The following SRGAP1 variants were observed in gnomAD, a reference collection of about 807,000 sequenced individuals.
SRGAP1 encodes the protein SLIT-ROBO Rho GTPase activating protein 1, also known as SLIT-ROBO Rho GTPase-activating protein 1.
A neutral mutation model predicts 121.9 loss-of-function variants in SRGAP1; 43 were observed. The ratio of observed to expected loss-of-function variants is 0.35; its 90% CI spans 0.28 to 0.46. The LOEUF (loss-of-function observed/expected upper bound fraction) is 0.46. Ranked by LOEUF, SRGAP1 falls within the 20% of genes least tolerant of loss-of-function variation. The pLI, the probability that SRGAP1 is intolerant of heterozygous loss-of-function variation, is 1.00. For synonymous variants in SRGAP1, 447 were observed against 485.4 expected, an observed-to-expected ratio of 0.92 and a Z score of 1.04; for missense variants, 1,102 against 1,350.9, an observed-to-expected ratio of 0.82 and a Z score of 2.89.
chr12:64,108,858 A>G lies in SRGAP1; in HGVS notation c.1814-74A>G, dbSNP rs1467483718. On this transcript the variant is annotated intron_variant, in intron 15 of 21. Transcript: ENST00000355086. ...GCTTATATTCAGATGTGTACCGGTA[A>G]TACATGTACTGCAGTGTTCTGTTTT... 5.0e-6 allele frequency: 5 copies of G among 992,442 alleles called. No homozygotes were observed. The African/African-American group carries it at 6.4e-5, about 13-fold the overall frequency. The allele number at this position is 992,442 out of a possible 1,614,324, so 61.5% of individuals were successfully genotyped here. A position where few individuals can be genotyped will look rare whatever the true frequency, so the allele number is the denominator to read the frequency against.
intron 1 of SRGAP1, among the ~76,000 whole-genome samples, chr12:63,970,259 G>T (rs1026367186): frequency 6.6e-6 from 1 of 152,222 alleles, no homozygotes; most frequent in Admixed American, 6.5e-5. Context: ...GCTATCTGGT[G>T]CTGGGGATTT....
chr12:64,005,984 A>G (rs1176101796), intron 3 of SRGAP1, among the ~76,000 whole-genome samples: 1 of 152,198 alleles, frequency 6.6e-6, no homozygotes. Context: ...TGGTACCCCC[A>G]TAGGAACTTA....
chr12:63,944,447 G>A (rs1480604041), intron 1 of SRGAP1, among the ~76,000 whole-genome samples: 1 of 152,122 alleles, frequency 6.6e-6, no homozygotes, highest in Non-Finnish European at 1.5e-5. Context: ...GGGCACTAAT[G>A]CCCTCATGAC....
chr12:64,015,605 T>C (rs1319561621), intron 3 of SRGAP1, among the ~76,000 whole-genome samples: 3 of 152,204 alleles, frequency 2.0e-5, no homozygotes, highest in Non-Finnish European at 4.4e-5. Flanking sequence ...CTTCAGTCTA[T>C]CATATTTGTT....
intron 4 of SRGAP1, 71 bp downstream of exon 4, chr12:64,017,083 T>C: frequency 1.1e-6 from 1 of 892,654 alleles, no homozygotes; most frequent in South Asian, 1.6e-5. Context: ...ACACTGCTCA[T>C]TGTAGTATTC....
intron 1 of SRGAP1, among the ~76,000 whole-genome samples, chr12:63,937,033 C>T (rs2031686559): frequency 6.6e-6 from 1 of 152,048 alleles, no homozygotes; most frequent in African/African-American, 2.4e-5. Flanking sequence ...CTGTTCTATG[C>T]CCAGGTAACA....
chr12:63,897,260 A>G (rs1017980928), intron 1 of SRGAP1, among the ~76,000 whole-genome samples: 5 of 152,234 alleles, frequency 3.3e-5, no homozygotes, highest in Admixed American at 1.3e-4. Flanking sequence ...TGTGGTTTAT[A>G]TAGGAATAGA....
chr12:64,115,753 C>T (rs1481920858), intron 17 of SRGAP1, 61 bp from the exon 18 acceptor site: 11 of 1,375,280 alleles, frequency 8.0e-6, no homozygotes, highest in Non-Finnish European at 1.0e-5. Flanking sequence ...AGTGCAAGAA[C>T]CTGTCTCAAA....
At chr12:63,885,820 G>A (rs1462087223) in intron 1 of SRGAP1, among the ~76,000 whole-genome samples, 2 of 152,212 alleles carry the variant, frequency 1.3e-5, no homozygotes, top group East Asian at 3.9e-4. Flanking sequence ...GAAGTTATGA[G>A]CCAGGAACCA....
chr12:63,891,977 C>G (rs1900596796), intron 1 of SRGAP1, among the ~76,000 whole-genome samples: 1 of 95,422 alleles, frequency 1.0e-5, no homozygotes, highest in Non-Finnish European at 1.9e-5. Flanking sequence ...CAGAGCAAGA[C>G]TGTCTCAAAA....
At chr12:64,137,964 ATATAT>A (rs2036884393) in intron 21 of SRGAP1, among the ~76,000 whole-genome samples, 1 of 118,732 alleles carries the variant, frequency 8.4e-6, no homozygotes, top group Admixed American at 8.4e-5. Context: ...AAAAAAAAAT[ATATAT>A]ATATATATAT....
chr12:64,019,112 A>G (rs1394796588), intron 4 of SRGAP1, among the ~76,000 whole-genome samples: 1 of 152,226 alleles, frequency 6.6e-6, no homozygotes, highest in Non-Finnish European at 1.5e-5. Flanking sequence ...AAATAGTAGT[A>G]GTAGTAAAGA....
intron 18 of SRGAP1, among the ~76,000 whole-genome samples, chr12:64,119,766 G>A (rs1038779486): frequency 9.0e-6 from 1 of 110,802 alleles, no homozygotes; most frequent in Non-Finnish European, 1.9e-5. Flanking sequence ...AATATTATTT[G>A]TTTCTTTTTT....
chr12:63,978,387 T>C (rs1049146945), intron 1 of SRGAP1, among the ~76,000 whole-genome samples: 2 of 152,168 alleles, frequency 1.3e-5, no homozygotes, highest in Non-Finnish European at 2.9e-5. Context: ...CTCCCAACTC[T>C]AGGCAACCCC....
intron 1 of SRGAP1, among the ~76,000 whole-genome samples, chr12:63,961,371 C>T (rs866466046): frequency 1.1e-4 from 17 of 152,210 alleles, no homozygotes; most frequent in African/African-American, 4.1e-4. Context: ...CTGGAAGCCT[C>T]GCCCCCTTCT....
chr12:64,011,969 G>A (rs1319128637), intron 3 of SRGAP1, among the ~76,000 whole-genome samples: 1 of 152,072 alleles, frequency 6.6e-6, no homozygotes, highest in Admixed American at 6.5e-5. Flanking sequence ...GCATGGTGGT[G>A]TGTGCCTGTA....
chr12:64,047,043 T>TA (rs2035144689), intron 6 of SRGAP1, among the ~76,000 whole-genome samples: 1 of 152,206 alleles, frequency 6.6e-6, no homozygotes, highest in Non-Finnish European at 1.5e-5. Flanking sequence ...GACTCTGACC[T>TA]AAATAAGTAA....
chr12:64,000,278 A>AGT (rs1565630884), intron 3 of SRGAP1, among the ~76,000 whole-genome samples: 12 of 92,442 alleles, frequency 1.3e-4, no homozygotes, highest in African/African-American at 5.0e-4. Flanking sequence ...GTGTGTGTAA[A>AGT]AAAAAAAAAC....
Position 63,855,473 on chromosome 12 carries a change from G to GTTTTTTTTT in SRGAP1, c.67+10614_67+10622dup, listed in dbSNP as rs781701925. ...AGCAGCAGTCAACATGAAAAATGGT[G>GTTTTTTTTT]TTTTTTTTTTTTTTTTTTTTTTTTT... On this transcript the variant is annotated intron_variant, in intron 1 of 21. Coordinates refer to ENST00000355086, the MANE Select transcript of SRGAP1 (RefSeq NM_020762.4). 4.3e-4 allele frequency among the ~76,000 whole-genome samples: 23 copies of GTTTTTTTTT among 52,938 alleles called. 2 individuals carry two copies. Among genetic ancestry groups the GTTTTTTTTT allele is most frequent in the African/African-American group, 1.5e-3 (21 of 14,028 alleles). The allele number at this position is 52,938 out of a possible 152,430, so 34.7% of individuals were successfully genotyped here.
Sources: gnomAD v4.1 joint callset for allele counts (sites outside exome capture counted in the v4.1 genomes callset) on GRCh38, gnomAD v4.1.1 for gene constraint, MANE v1.5 for transcripts, NCBI Gene and HGNC (gene_info 2026-07-23, HGNC 2026-07-21) for gene names.